The following WWC1 variants were observed in gnomAD, a reference collection of about 807,000 sequenced individuals.
WWC1 encodes the protein WW and C2 domain containing 1, also known as protein KIBRA.
A neutral mutation model predicts 138.4 loss-of-function variants in WWC1; 55 were observed. The ratio of observed to expected loss-of-function variants is 0.40; its 90% CI spans 0.32 to 0.50. WWC1 has a LOEUF of 0.50. Among genes scored for constraint, WWC1 ranks in the 20% least tolerant of loss-of-function variants. The pLI is 0.72. For synonymous variants in WWC1, 524 were observed against 564.9 expected (o/e 0.93, Z 1.03); for missense variants, 1,226 against 1,420.4 (o/e 0.86, Z 2.20).
At chr5:168,424,995 T>C (rs998315546) in intron 11 of WWC1, among the ~76,000 whole-genome samples, 8 of 152,232 alleles carry the variant, frequency 5.3e-5, no homozygotes, top group African/African-American at 1.9e-4. Flanking sequence ...TAATAAATCA[T>C]AATAGTTAAC....
intron 1 of WWC1, among the ~76,000 whole-genome samples, chr5:168,360,286 G>A (rs1183409145): frequency 6.6e-6 from 1 of 152,136 alleles, no homozygotes; most frequent in Non-Finnish European, 1.5e-5. Context: ...GCATCTTTTG[G>A]TGAAATAGGG....
chr5:168,404,041 C>T (rs759814317), intron 5 of WWC1, among the ~76,000 whole-genome samples: 1 of 152,148 alleles, frequency 6.6e-6, no homozygotes, highest in Non-Finnish European at 1.5e-5. Flanking sequence ...TCTCTGGAGC[C>T]AAATTCCAGA....
intron 1 of WWC1, among the ~76,000 whole-genome samples, chr5:168,354,582 T>G (rs1368831889): frequency 5.9e-5 from 9 of 152,220 alleles, no homozygotes; most frequent in Admixed American, 5.9e-4. Flanking sequence ...ACAAAAGTCA[T>G]GATGCCTGCA....
rs74464936 is a variant in WWC1, at chr5:168,425,979, C to G, written c.1810+1911C>G. The stretch of plus-strand genomic sequence containing the variant: ...CTACAAAAAGCTGGTGCTCCTGGCT[C>G]CAGGTGAGGCCAGCTAGAAGCAGCC... On this transcript the variant is annotated intron_variant, in intron 11 of 22. Coordinates refer to ENST00000265293, the MANE Select transcript of WWC1 (RefSeq NM_015238.3). Among the ~76,000 whole-genome samples the G allele has an allele frequency of 3.3e-5, 5 of 152,270 alleles. No homozygotes were observed. In the East Asian group the frequency reaches 9.7e-4, roughly 29 times the overall value.
intron 10 of WWC1, among the ~76,000 whole-genome samples, chr5:168,423,003 G>A (rs1408063106): frequency 1.3e-5 from 2 of 151,620 alleles, no homozygotes; most frequent in Non-Finnish European, 2.9e-5. Context: ...AAAATTAACC[G>A]GGCGTGGTGG....
At chr5:168,340,567 A>G (rs1015170525) in intron 1 of WWC1, among the ~76,000 whole-genome samples, 14 of 151,614 alleles carry the variant, frequency 9.2e-5, no homozygotes, top group African/African-American at 3.4e-4. Flanking sequence ...GACATTTCAT[A>G]TAAACAGAGT....
At chr5:168,333,715 A>G (rs1215710876) in intron 1 of WWC1, among the ~76,000 whole-genome samples, 2 of 152,116 alleles carry the variant, frequency 1.3e-5, no homozygotes, top group African/African-American at 4.8e-5. Flanking sequence ...CTTTACCTGC[A>G]CAGCTTCCCT....
intron 1 of WWC1, among the ~76,000 whole-genome samples, chr5:168,342,439 C>T (rs982768471): frequency 6.6e-6 from 1 of 152,110 alleles, no homozygotes; most frequent in Non-Finnish European, 1.5e-5. Context: ...TATGCACATT[C>T]CCTGCCTCCT....
intron 17 of WWC1, among the ~76,000 whole-genome samples, chr5:168,445,797 T>G (rs551053644): frequency 3.9e-4 from 59 of 151,982 alleles, no homozygotes; most frequent in African/African-American, 1.4e-3. Flanking sequence ...TCCTTTCCTC[T>G]GTCTGCTTTG....
chr5:168,403,868 G>A (rs1239953651), intron 5 of WWC1, among the ~76,000 whole-genome samples: 1 of 81,390 alleles, frequency 1.2e-5, no homozygotes, highest in Non-Finnish European at 2.4e-5. Flanking sequence ...TAAAACACAT[G>A]CATACACACA....
intron 15 of WWC1, among the ~76,000 whole-genome samples, 170 bp downstream of exon 15, chr5:168,431,614 G>T (rs1019254159): frequency 2.0e-5 from 3 of 152,128 alleles, no homozygotes; most frequent in Non-Finnish European, 2.9e-5. Context: ...TCTAGGCAGC[G>T]AGGCTTCCAC....
chr5:168,349,595 G>A (rs1379855788), intron 1 of WWC1, among the ~76,000 whole-genome samples: 2 of 152,236 alleles, frequency 1.3e-5, no homozygotes, highest in East Asian at 1.9e-4. Context: ...GCACACAGTC[G>A]GTAAGTGGCC....
chr5:168,428,177 G>A lies in WWC1; in HGVS notation c.1919+36G>A, dbSNP rs758714844. On this transcript the variant is annotated intron_variant, in intron 12 of 22. Transcript: ENST00000265293. Reference sequence around the variant, plus strand: ...GGGTGCTGGCTCTCTCTGTGGCCCTGTAAGCCATGAACTCTGAATATCCAG... The same window carrying A: ...GGGTGCTGGCTCTCTCTGTGGCCCTATAAGCCATGAACTCTGAATATCCAG... The A allele has an allele frequency of 3.8e-6, 6 of 1,591,724 alleles. No homozygotes were observed. In the South Asian group the frequency reaches 5.6e-5, roughly 15 times the overall value.
intron 15 of WWC1, among the ~76,000 whole-genome samples, chr5:168,435,571 C>T (rs537995276): frequency 8.6e-5 from 13 of 151,930 alleles, no homozygotes; most frequent in African/African-American, 1.9e-4. Context: ...CCACCATGGC[C>T]GGCTAATTTT....
chr5:168,451,072 GGC>G, intron 17 of WWC1, among the ~76,000 whole-genome samples: 1 of 74,296 alleles, frequency 1.3e-5, no homozygotes, highest in Non-Finnish European at 4.2e-5. Flanking sequence ...CTGCGATCTC[GGC>G]TCACTGCAAT....
chr5:168,350,163 T>C (rs1318199676), intron 1 of WWC1, among the ~76,000 whole-genome samples: 2 of 152,316 alleles, frequency 1.3e-5, no homozygotes, highest in East Asian at 3.9e-4. Context: ...GTTTCTCTCC[T>C]CCTGACTCTG....
intron 3 of WWC1, among the ~76,000 whole-genome samples, chr5:168,389,462 A>G (rs1561694028): frequency 2.0e-5 from 3 of 151,182 alleles, no homozygotes; most frequent in South Asian, 2.1e-4. Flanking sequence ...AAAAAAAAAA[A>G]AAAGAAAGAA....
intron 1 of WWC1, among the ~76,000 whole-genome samples, chr5:168,363,801 G>T (rs1239475386): frequency 1.3e-5 from 2 of 152,094 alleles, no homozygotes; most frequent in African/African-American, 4.8e-5. Context: ...AGCCACACAG[G>T]TTAGAGTTCA....
At chr5:168,317,613 C>T (rs949722937) in intron 1 of WWC1, among the ~76,000 whole-genome samples, 6 of 152,158 alleles carry the variant, frequency 3.9e-5, no homozygotes, top group Non-Finnish European at 7.3e-5. Context: ...GCCTCCTGCC[C>T]TCTTAGGATA....
Sources: allele counts gnomAD v4.1 joint callset (sites outside exome capture counted in the v4.1 genomes callset), GRCh38; gene constraint gnomAD v4.1.1; transcripts MANE v1.5; gene names NCBI Gene and HGNC (gene_info 2026-07-23, HGNC 2026-07-21).